The following EFCAB11 variants were observed in gnomAD, a reference collection of about 807,000 sequenced individuals.
EFCAB11 encodes the protein EF-hand calcium binding domain 11.
EFCAB11 carries 14 observed loss-of-function variants against 23.0 expected under a neutral mutation model. The observed-to-expected ratio is 0.61, with a 90% CI of 0.40 to 0.95. EFCAB11 has a LOEUF of 0.95. Among genes scored for constraint, EFCAB11 ranks in the 40% least tolerant of loss-of-function variants. The probability of loss-of-function intolerance (pLI) is 0.00; values close to 1 mark genes in which losing one functional copy is unlikely to be tolerated. For missense variants in EFCAB11, 198 were observed against 195.8 expected (o/e 1.01, Z -0.07); for synonymous variants, 65 against 66.6 (o/e 0.98, Z 0.11).
chr14:89,881,601 C>T (rs576559191), intron 5 of EFCAB11, among the ~76,000 whole-genome samples: 1 of 151,094 alleles, frequency 6.6e-6, no homozygotes, highest in East Asian at 1.9e-4. Context: ...ACATTCACCA[C>T]CACACCTGGC....
chr14:89,810,285 G>A (rs2140087991), intron 5 of EFCAB11, among the ~76,000 whole-genome samples: 1 of 152,286 alleles, frequency 6.6e-6, no homozygotes, highest in East Asian at 1.9e-4. Context: ...TACACCAATT[G>A]CTGTGAAAAT....
intron 5 of EFCAB11, among the ~76,000 whole-genome samples, chr14:89,884,452 T>C (rs910684176): frequency 6.6e-6 from 1 of 152,180 alleles, no homozygotes; most frequent in Non-Finnish European, 1.5e-5. Context: ...CCATAGTTAA[T>C]GTGAAATACT....
chr14:89,890,470 T>C (rs977532586), intron 5 of EFCAB11, among the ~76,000 whole-genome samples: 3 of 152,216 alleles, frequency 2.0e-5, no homozygotes, highest in African/African-American at 4.8e-5. Flanking sequence ...GTGATACTCT[T>C]TTCTAACACT....
intron 5 of EFCAB11, among the ~76,000 whole-genome samples, chr14:89,919,084 T>C (rs116548690): frequency 0.013 from 1,991 of 151,992 alleles, 45 homozygotes; most frequent in African/African-American, 0.044. Flanking sequence ...TACTGTGACA[T>C]GGTCCCATTC....
intron 5 of EFCAB11, among the ~76,000 whole-genome samples, chr14:89,890,641 C>T (rs1005460789): frequency 6.6e-6 from 1 of 152,154 alleles, no homozygotes; most frequent in Non-Finnish European, 1.5e-5. Context: ...GGATAAGACA[C>T]TAAAACAAAA....
chr14:89,920,115 T>C (rs1159620196), intron 5 of EFCAB11, among the ~76,000 whole-genome samples: 1 of 152,264 alleles, frequency 6.6e-6, no homozygotes, highest in Non-Finnish European at 1.5e-5. Context: ...GGTCTTGTGA[T>C]ATAATTCCAT....
intron 5 of EFCAB11, among the ~76,000 whole-genome samples, chr14:89,860,301 T>C (rs1887882272): frequency 6.6e-6 from 1 of 151,752 alleles, no homozygotes; most frequent in African/African-American, 2.4e-5. Flanking sequence ...GAGGCGGAGG[T>C]TGCAGTGAGC....
intron 5 of EFCAB11, among the ~76,000 whole-genome samples, chr14:89,865,783 G>A (rs1888069893): frequency 6.6e-6 from 1 of 152,090 alleles, no homozygotes; most frequent in South Asian, 2.1e-4. Context: ...TCCTGCTTCA[G>A]ACTCCCAAGT....
chr14:89,824,786 G>C (rs1382350373), intron 5 of EFCAB11, among the ~76,000 whole-genome samples: 1 of 152,002 alleles, frequency 6.6e-6, no homozygotes. Flanking sequence ...AATTATAGCA[G>C]GGTCGATTAA....
rs185339536 is a variant in EFCAB11, at chr14:89,931,649, A to G, written c.320-18T>C. 6.1e-4 allele frequency: 986 copies of G among 1,605,960 alleles called. 3 individuals are homozygous for G. The African/African-American group carries it at 0.011, about 17-fold the overall frequency. ...TCCACGATCTATTTGAAAACAATAAAAAATATTCACTTACTTTAATAAGAC... is the reference window on the plus strand; with the variant it reads ...TCCACGATCTATTTGAAAACAATAAGAAATATTCACTTACTTTAATAAGAC... On this transcript the variant is annotated intron_variant, in intron 4 of 5. Transcript: ENST00000316738.
intron 5 of EFCAB11, chr14:89,848,879 A>G (rs895378529): frequency 2.0e-5 from 3 of 152,232 alleles, no homozygotes; most frequent in African/African-American, 7.2e-5. Context: ...ATGAGTCGAG[A>G]TGGCACCATT....
At chr14:89,886,929 G>C (rs1419702159) in intron 5 of EFCAB11, among the ~76,000 whole-genome samples, 2 of 152,096 alleles carry the variant, frequency 1.3e-5, no homozygotes, top group African/African-American at 4.8e-5. Flanking sequence ...CTAAACCTAA[G>C]GTCAGTCTGG....
chr14:89,806,389 T>C (rs189707073), intron 5 of EFCAB11, among the ~76,000 whole-genome samples: 1 of 152,294 alleles, frequency 6.6e-6, no homozygotes, highest in Admixed American at 6.5e-5. Context: ...ATATTCCTTC[T>C]CTATCAAGTG....
At chr14:89,836,178 GA>G (rs1887072996) in intron 5 of EFCAB11, among the ~76,000 whole-genome samples, 1 of 151,320 alleles carries the variant, frequency 6.6e-6, no homozygotes, top group Admixed American at 6.6e-5. Context: ...AGGTCTTGAT[GA>G]AAATCAAGTG....
At chr14:89,915,330 C>T (rs1004560073) in intron 5 of EFCAB11, among the ~76,000 whole-genome samples, 55 of 152,266 alleles carry the variant, frequency 3.6e-4, no homozygotes, top group Admixed American at 1.3e-3. Context: ...TTAGAAAATG[C>T]GATAATTTGG....
At chr14:89,932,428 C>G in intron 4 of EFCAB11, 98 bp downstream of exon 4, 1 of 906,808 alleles carries the variant, frequency 1.1e-6, no homozygotes, top group Non-Finnish European at 1.7e-6. Flanking sequence ...ATATAATCTT[C>G]CAAGTATATT....
At chr14:89,883,604 A>G (rs1450102584) in intron 5 of EFCAB11, among the ~76,000 whole-genome samples, 1 of 152,192 alleles carries the variant, frequency 6.6e-6, no homozygotes, top group Admixed American at 6.5e-5. Flanking sequence ...AAGTCTGTAT[A>G]TGTTCAGCGT....
rs534315288 is a variant in EFCAB11 at position 89,909,879 on chromosome 14, A to C, written c.410+21662T>G. ...CTCCCTCCTTCCCTGGCTAAGGCGA[A>C]GTCAGGCAAATGGAGACCATCCTCC... On this transcript the variant is annotated intron_variant, in intron 5 of 5. Transcript: ENST00000316738. Among the ~76,000 whole-genome samples, 4 of 152,326 alleles carry C rather than the reference A, an allele frequency of 2.6e-5. No individual in the cohort carries two copies. In the East Asian group the frequency reaches 7.7e-4, roughly 29 times the overall value.
At chr14:89,946,922 T>G (rs1469050280) in intron 3 of EFCAB11, among the ~76,000 whole-genome samples, 1 of 152,042 alleles carries the variant, frequency 6.6e-6, no homozygotes, top group East Asian at 1.9e-4. Context: ...ATGTGTCTTT[T>G]TTTTCCCTAG....
Sources: gnomAD v4.1 joint callset for allele counts (sites outside exome capture counted in the v4.1 genomes callset) on GRCh38, gnomAD v4.1.1 for gene constraint, MANE v1.5 for transcripts, NCBI Gene and HGNC (gene_info 2026-07-23, HGNC 2026-07-21) for gene names.